The following ZNF385D variants were observed in gnomAD, a reference collection of about 807,000 sequenced individuals.
ZNF385D encodes zinc finger protein 659.
Under a neutral mutation model 35.8 loss-of-function variants are expected in ZNF385D, and 15 were observed. That is an observed-to-expected ratio of 0.42 (90% CI 0.28 to 0.64). ZNF385D has a LOEUF of 0.64. ZNF385D is among the 30% of genes least tolerant of loss of function. The probability of loss-of-function intolerance (pLI) is 0.23; values close to 1 mark genes in which losing one functional copy is unlikely to be tolerated. For synonymous variants in ZNF385D, 212 were observed against 186.8 expected, an observed-to-expected ratio of 1.13 and a Z score of -1.10; for missense variants, 474 against 494.6, an observed-to-expected ratio of 0.96 and a Z score of 0.39.
intron 3 of ZNF385D, among the ~76,000 whole-genome samples, chr3:21,824,328 AACT>A (rs1386884820): frequency 6.6e-6 from 1 of 152,220 alleles, no homozygotes; most frequent in East Asian, 1.9e-4. Context: ...TATAAAAAAC[AACT>A]GTTGAGACAC....
At chr3:22,338,819 G>C (rs1437665555) in intron 2 of ZNF385D, among the ~76,000 whole-genome samples, 1 of 150,058 alleles carries the variant, frequency 6.7e-6, no homozygotes, top group African/African-American at 2.5e-5. Flanking sequence ...TCCTGCCTCA[G>C]CCTCCTGGGT....
chr3:21,867,478 G>A (rs891703658), intron 3 of ZNF385D, among the ~76,000 whole-genome samples: 1 of 152,064 alleles, frequency 6.6e-6, no homozygotes, highest in Admixed American at 6.6e-5. Context: ...TTTCAAAGCA[G>A]GTTCTCCTGC....
At chr3:22,346,328 GA>G (rs35414117) in intron 2 of ZNF385D, among the ~76,000 whole-genome samples, 1 of 151,998 alleles carries the variant, frequency 6.6e-6, no homozygotes, top group Non-Finnish European at 1.5e-5. Flanking sequence ...ATCTGTTGGG[GA>G]AAAAAAGGCA....
chr3:21,985,275 C>T (rs1332778891), intron 3 of ZNF385D, among the ~76,000 whole-genome samples: 2 of 90,342 alleles, frequency 2.2e-5, no homozygotes, highest in South Asian at 9.2e-4. Context: ...CCAGTTTTTG[C>T]CCATTCAGTA....
intron 2 of ZNF385D, among the ~76,000 whole-genome samples, chr3:22,256,726 T>C (rs187048388): frequency 6.6e-6 from 1 of 152,060 alleles, no homozygotes; most frequent in Admixed American, 6.6e-5. Context: ...GTGCCATCTT[T>C]ATTATATATG....
At chr3:21,572,002 C>T (rs1023428151) in intron 2 of ZNF385D, among the ~76,000 whole-genome samples, 4 of 152,098 alleles carry the variant, frequency 2.6e-5, no homozygotes, top group African/African-American at 9.7e-5. Flanking sequence ...TTGACTGAAT[C>T]GCAGGGCACA....
chr3:21,777,665 T>G (rs576796395), intron 3 of ZNF385D: 181 of 152,068 alleles, frequency 1.2e-3, no homozygotes, highest in African/African-American at 4.3e-3. Context: ...CTTCTTCATA[T>G]CCATGCCCTC....
chr3:22,034,876 A>T (rs1412202197), intron 3 of ZNF385D, among the ~76,000 whole-genome samples: 4 of 152,220 alleles, frequency 2.6e-5, no homozygotes, highest in Non-Finnish European at 5.9e-5. Context: ...AATAAAAAAT[A>T]TCTAAAAGTC....
At chr3:21,800,120 T>A (rs1372367375) in intron 3 of ZNF385D, among the ~76,000 whole-genome samples, 1 of 152,232 alleles carries the variant, frequency 6.6e-6, no homozygotes, top group Non-Finnish European at 1.5e-5. Context: ...CCTATGGCAG[T>A]ACCATACTGC....
intron 2 of ZNF385D, among the ~76,000 whole-genome samples, chr3:21,620,023 A>T (rs2064958058): frequency 6.6e-6 from 1 of 152,172 alleles, no homozygotes; most frequent in African/African-American, 2.4e-5. Context: ...CTCTTCAATG[A>T]TTACTAACAA....
intron 2 of ZNF385D, among the ~76,000 whole-genome samples, chr3:22,219,224 C>G (rs1438631738): frequency 1.3e-5 from 2 of 152,040 alleles, no homozygotes; most frequent in African/African-American, 4.8e-5. Context: ...TGTAAAAATT[C>G]CGTTTTCAGT....
intron 1 of ZNF385D, among the ~76,000 whole-genome samples, chr3:21,673,576 G>A (rs552466171): frequency 1.5e-4 from 23 of 152,100 alleles, no homozygotes; most frequent in East Asian, 3.9e-4. Context: ...GCCAGACACC[G>A]TTGGGACCAT....
chr3:22,190,515 A>T (rs894008287), intron 2 of ZNF385D, among the ~76,000 whole-genome samples: 1 of 152,178 alleles, frequency 6.6e-6, no homozygotes, highest in African/African-American at 2.4e-5. Flanking sequence ...CACTGAATAT[A>T]ATGGCTAGCA....
exon 2 of ZNF385D, chr3:22,372,505 C>T: frequency 1.0e-6 from 1 of 985,892 alleles, no homozygotes; most frequent in Non-Finnish European, 1.2e-6. Context: ...TTCCTCCCAC[C>T]GAGCTCTTCA....
chr3:21,533,401 G>C (rs941744025), intron 3 of ZNF385D, among the ~76,000 whole-genome samples: 2 of 151,910 alleles, frequency 1.3e-5, no homozygotes, highest in African/African-American at 4.8e-5. Context: ...GAAAATAAAG[G>C]CCAATTCTCT....
chr3:21,684,400 CTCTCCT>C (rs1393791560), intron 1 of ZNF385D, among the ~76,000 whole-genome samples: 169 of 81,614 alleles, frequency 2.1e-3, no homozygotes, highest in African/African-American at 0.011. Context: ...CTCTCTCTCT[CTCTCCT>C]CTCTCTCTCT....
intron 3 of ZNF385D, among the ~76,000 whole-genome samples, chr3:21,963,084 A>G (rs747456751): frequency 3.2e-4 from 49 of 152,208 alleles, no homozygotes; most frequent in Non-Finnish European, 4.7e-4. Context: ...CAAAAACCCA[A>G]CCTGGCCTTA....
intron 3 of ZNF385D, among the ~76,000 whole-genome samples, chr3:21,553,912 T>C (rs2125607051): frequency 6.6e-6 from 1 of 152,352 alleles, no homozygotes; most frequent in African/African-American, 2.4e-5. Flanking sequence ...ACTCTACTTT[T>C]AATTATACTT....
At chr3:21,424,252 T>C (rs1700878696) in intron 6 of ZNF385D, among the ~76,000 whole-genome samples, 188 bp from the exon 7 acceptor site, 1 of 140,318 alleles carries the variant, frequency 7.1e-6, no homozygotes, top group Non-Finnish European at 1.5e-5. Flanking sequence ...ATGCTATCCA[T>C]ATATATATTC....
Sources: gnomAD v4.1 joint callset for allele counts (sites outside exome capture counted in the v4.1 genomes callset) on GRCh38, gnomAD v4.1.1 for gene constraint, MANE v1.5 for transcripts, NCBI Gene and HGNC (gene_info 2026-07-23, HGNC 2026-07-21) for gene names.